Variants in NPAS3 observed in about 807,000 individuals in gnomAD.
NPAS3 encodes neuronal PAS domain-containing protein 3.
In NPAS3, 14 loss-of-function variants were observed where a neutral mutation model predicts 73.1. The ratio of observed to expected loss-of-function variants is 0.19; its 90% CI spans 0.13 to 0.30. NPAS3 has a LOEUF of 0.30. Ranked by LOEUF, NPAS3 falls within the 10% of genes least tolerant of loss-of-function variation. NPAS3 has a pLI of 1.00. For missense variants in NPAS3, 1,096 were observed against 1,250.0 expected, an observed-to-expected ratio of 0.88 and a Z score of 1.86; for synonymous variants, 620 against 541.5, an observed-to-expected ratio of 1.14 and a Z score of -2.01.
At chr14:33,402,097 C>A (rs2047470148) in intron 4 of NPAS3, among the ~76,000 whole-genome samples, 1 of 151,970 alleles carries the variant, frequency 6.6e-6, no homozygotes, top group Non-Finnish European at 1.5e-5. Flanking sequence ...CAGTCTGTTG[C>A]CCAGTAGACA....
chr14:33,785,422 GAGA>G (rs2063139142), intron 9 of NPAS3, among the ~76,000 whole-genome samples: 2 of 127,390 alleles, frequency 1.6e-5, no homozygotes, highest in Admixed American at 1.7e-4. Context: ...GTGACAGAGT[GAGA>G]CTCCATCTCA....
chr14:33,406,140 A>G (rs2047657199), intron 4 of NPAS3, among the ~76,000 whole-genome samples: 1 of 152,136 alleles, frequency 6.6e-6, no homozygotes, highest in South Asian at 2.1e-4. Context: ...ATACATTCAG[A>G]GTTAAGCCTT....
chr14:33,441,617 G>A (rs547461741), intron 4 of NPAS3, among the ~76,000 whole-genome samples: 61 of 152,154 alleles, frequency 4.0e-4, no homozygotes, highest in East Asian at 1.5e-3. Context: ...TTTTGATTCC[G>A]GTTTTGACTT....
At chr14:33,657,951 G>A (rs1003451164) in intron 5 of NPAS3, among the ~76,000 whole-genome samples, 5 of 152,144 alleles carry the variant, frequency 3.3e-5, no homozygotes, top group South Asian at 2.1e-4. Context: ...CCAAGCGCAC[G>A]CTCCTCGAAG....
At chr14:33,146,717 A>G (rs968583135) in intron 2 of NPAS3, among the ~76,000 whole-genome samples, 8 of 152,244 alleles carry the variant, frequency 5.3e-5, no homozygotes, top group African/African-American at 1.2e-4. Flanking sequence ...ACACCTAAAC[A>G]TGCCTTAGCT....
rs539377748 is a variant in NPAS3, at chr14:33,037,380, C to T, written c.51-18525C>T. On this transcript the variant is annotated intron_variant, in intron 1 of 11. Coordinates refer to ENST00000356141, the Ensembl canonical transcript of NPAS3. Reference sequence around the variant, plus strand: ...AGATTCTTGGCTGAGCATGGTGGCTCATGTCTGTCATCTCAGCAATTTGGG... The same window carrying T: ...AGATTCTTGGCTGAGCATGGTGGCTTATGTCTGTCATCTCAGCAATTTGGG... Among the ~76,000 whole-genome samples the T allele has an allele frequency of 2.0e-5, 3 of 150,966 alleles. No homozygotes were observed. The East Asian group carries it at 5.8e-4, about 29-fold the overall frequency.
At chr14:33,275,393 T>A (rs2041283841) in intron 3 of NPAS3, among the ~76,000 whole-genome samples, 2 of 152,190 alleles carry the variant, frequency 1.3e-5, no homozygotes, top group South Asian at 4.1e-4. Context: ...TTAAAATGCA[T>A]GGCAACATGC....
At chr14:33,624,838 T>G (rs564106862) in intron 5 of NPAS3, among the ~76,000 whole-genome samples, 23 of 152,348 alleles carry the variant, frequency 1.5e-4, no homozygotes, top group African/African-American at 4.6e-4. Context: ...TACACATTCT[T>G]GTCAATGTGT....
intron 6 of NPAS3, among the ~76,000 whole-genome samples, chr14:33,731,700 A>G (rs866599692): frequency 2.7e-4 from 41 of 152,204 alleles, no homozygotes; most frequent in African/African-American, 9.9e-4. Flanking sequence ...ATCATTTCAC[A>G]TTATGGTGGC....
At chr14:33,507,850 A>G (rs1278227874) in intron 4 of NPAS3, among the ~76,000 whole-genome samples, 10 of 151,986 alleles carry the variant, frequency 6.6e-5, no homozygotes, top group Admixed American at 5.2e-4. Flanking sequence ...CATGGTACAC[A>G]CACATAAGCA....
chr14:33,527,817 G>A (rs1272018615), intron 4 of NPAS3, among the ~76,000 whole-genome samples: 3 of 152,060 alleles, frequency 2.0e-5, no homozygotes, highest in Admixed American at 1.3e-4. Context: ...TTTGAACAAC[G>A]CTGGGTTTTA....
intron 2 of NPAS3, among the ~76,000 whole-genome samples, chr14:33,177,696 G>A (rs1186106795): frequency 6.6e-6 from 1 of 152,094 alleles, no homozygotes; most frequent in Non-Finnish European, 1.5e-5. Context: ...TGACGTAGAG[G>A]TCCAACTTCA....
intron 1 of NPAS3, among the ~76,000 whole-genome samples, chr14:33,028,451 C>T (rs976722744): frequency 6.6e-6 from 1 of 152,138 alleles, no homozygotes; most frequent in African/African-American, 2.4e-5. Flanking sequence ...GAGTGAATGC[C>T]ACCACAAAAT....
chr14:33,268,263 T>C (rs1338749392), intron 3 of NPAS3, among the ~76,000 whole-genome samples: 8 of 152,312 alleles, frequency 5.3e-5, no homozygotes, highest in Non-Finnish European at 7.3e-5. Flanking sequence ...GGCTGCTTTC[T>C]CTCTTAATGA....
chr14:33,249,188 G>A (rs1566722491), intron 3 of NPAS3, among the ~76,000 whole-genome samples: 1 of 152,086 alleles, frequency 6.6e-6, no homozygotes, highest in Non-Finnish European at 1.5e-5. Context: ...AAGTAGGGCA[G>A]GGGATTTAAG....
At chr14:33,739,093 A>G (rs1304762618) in intron 7 of NPAS3, among the ~76,000 whole-genome samples, 1 of 152,202 alleles carries the variant, frequency 6.6e-6, no homozygotes. Flanking sequence ...ATGGCACAGT[A>G]GACAGCCTAG....
intron 2 of NPAS3, among the ~76,000 whole-genome samples, chr14:33,189,025 T>C (rs911569752): frequency 6.6e-6 from 1 of 152,192 alleles, no homozygotes; most frequent in Non-Finnish European, 1.5e-5. Context: ...ATTTTAAGTA[T>C]TGGAAGTTGT....
At chr14:33,427,120 T>C (rs900901624) in intron 4 of NPAS3, among the ~76,000 whole-genome samples, 2 of 152,088 alleles carry the variant, frequency 1.3e-5, no homozygotes, top group African/African-American at 4.8e-5. Flanking sequence ...AGCAGAGAGA[T>C]AGTTACAATT....
chr14:33,602,087 T>C (rs1285423871), intron 5 of NPAS3, among the ~76,000 whole-genome samples: 1 of 152,020 alleles, frequency 6.6e-6, no homozygotes, highest in African/African-American at 2.4e-5. Context: ...ACCGAGAGTG[T>C]GGGGAGACCT....
Sources: gnomAD v4.1 joint callset for allele counts (sites outside exome capture counted in the v4.1 genomes callset) on GRCh38, gnomAD v4.1.1 for gene constraint, MANE v1.5 for transcripts, NCBI Gene and HGNC (gene_info 2026-07-23, HGNC 2026-07-21) for gene names.